The following THSD4 variants were observed in gnomAD, a reference collection of about 807,000 sequenced individuals.
The protein encoded by THSD4 is thrombospondin type 1 domain containing 4.
Under a neutral mutation model 119.0 loss-of-function variants are expected in THSD4, and 69 were observed. The ratio of observed to expected loss-of-function variants is 0.58; its 90% CI spans 0.48 to 0.71. The LOEUF is 0.71. Among genes scored for constraint, THSD4 ranks in the 30% least tolerant of loss-of-function variants. The pLI is 0.00. For missense variants in THSD4, 1,393 were observed against 1,391.1 expected (o/e 1.00, Z -0.02); for synonymous variants, 524 against 540.4 (o/e 0.97, Z 0.42).
At chr15:71,486,936 T>G (rs2047832040) in intron 7 of THSD4, among the ~76,000 whole-genome samples, 1 of 152,224 alleles carries the variant, frequency 6.6e-6, no homozygotes, top group African/African-American at 2.4e-5. Context: ...AGACACCACC[T>G]ATTGAGTATC....
In THSD4 at chr15:71,565,190, T is replaced by A. The variant is rs138727951; in HGVS notation, c.1153-95340T>A. Reference sequence around the variant, plus strand: ...ATGCTCATCCCTGACCCAGTGGAGATAAATGTGCTGATTGCCAGGCTGAAG... The same window carrying A: ...ATGCTCATCCCTGACCCAGTGGAGAAAAATGTGCTGATTGCCAGGCTGAAG... On this transcript the variant is annotated intron_variant, in intron 7 of 17. Coordinates refer to ENST00000261862, the MANE Select transcript of THSD4 (RefSeq NM_024817.3). Among the ~76,000 whole-genome samples, 456 of 152,350 alleles carry A rather than the reference T, an allele frequency of 3.0e-3. 2 individuals are homozygous for A. Among genetic ancestry groups the A allele is most frequent in the African/African-American group, 0.011 (444 of 41,580 alleles).
chr15:71,776,367 C>T (rs187687028), intron 17 of THSD4, among the ~76,000 whole-genome samples: 9 of 152,218 alleles, frequency 5.9e-5, no homozygotes, highest in South Asian at 2.1e-4. Context: ...AAAGAATTTT[C>T]GTGAATCATT....
At position 71,748,573 on chromosome 15, in the gene THSD4, C is replaced by A. The variant is rs1230017917; in HGVS notation, c.2394C>A (p.Phe798Leu). 2 of 1,614,152 alleles carry A rather than the reference C, an allele frequency of 1.2e-6. No individual in the cohort carries two copies. Among genetic ancestry groups the A allele is most frequent in the South Asian group, 2.2e-5 (2 of 91,078 alleles). Residue 798 changes from phenylalanine to leucine, a missense_variant, in exon 14 of 18, where the codon TTC becomes TTA. Transcript: ENST00000261862. ...CDMGPCAKSW[F>L]LTEWSERCSA... ...TGGGACCCTGTGCCAAGAGCTGGTT[C>A]CTCACCGAGTGGAGCGAAAGGGTGA...
At chr15:71,622,173 A>G (rs1432016461) in intron 7 of THSD4, among the ~76,000 whole-genome samples, 1 of 152,156 alleles carries the variant, frequency 6.6e-6, no homozygotes, top group Non-Finnish European at 1.5e-5. Context: ...AGAAATCTCG[A>G]TTTATCACAT....
intron 7 of THSD4, among the ~76,000 whole-genome samples, chr15:71,519,214 C>A (rs1477722144): frequency 6.6e-6 from 1 of 152,000 alleles, no homozygotes; most frequent in African/African-American, 2.4e-5. Context: ...CTTTCAGGAG[C>A]AGCAAGAAGG....
chr15:71,513,525 GGAAAATGCAAAC>G (rs1567016100), intron 7 of THSD4, among the ~76,000 whole-genome samples: 2 of 152,156 alleles, frequency 1.3e-5, no homozygotes, highest in African/African-American at 4.8e-5. Context: ...TAAATCATCA[GGAAAATGCAAAC>G]GAAAACCTCC....
At chr15:71,396,873 A>G (rs1163865214) in intron 6 of THSD4, among the ~76,000 whole-genome samples, 3 of 152,196 alleles carry the variant, frequency 2.0e-5, no homozygotes, top group African/African-American at 7.2e-5. Context: ...GTGACATGAG[A>G]GAAATAGGAA....
At chr15:71,232,996 TG>T (rs1186411565) in intron 4 of THSD4, among the ~76,000 whole-genome samples, 1 of 152,192 alleles carries the variant, frequency 6.6e-6, no homozygotes, top group Non-Finnish European at 1.5e-5. Flanking sequence ...AAGATTGGAC[TG>T]GACATCATAA....
At chr15:71,330,983 G>A (rs1168190653) in intron 6 of THSD4, among the ~76,000 whole-genome samples, 9 of 152,228 alleles carry the variant, frequency 5.9e-5, no homozygotes, top group Admixed American at 2.0e-4. Context: ...GAGGGAGGCT[G>A]TGCTAATTTG....
At chr15:71,681,601 G>T (rs186951656) in intron 8 of THSD4, among the ~76,000 whole-genome samples, 7 of 151,888 alleles carry the variant, frequency 4.6e-5, no homozygotes, top group East Asian at 1.9e-4. Context: ...ATTGAACCGG[G>T]GGGGTGGAGG....
At chr15:71,254,994 C>T (rs1197187951) in intron 5 of THSD4, among the ~76,000 whole-genome samples, 1 of 152,198 alleles carries the variant, frequency 6.6e-6, no homozygotes, top group African/African-American at 2.4e-5. Context: ...AGCAGCCTCC[C>T]CAACTGCGAC....
chr15:71,405,606 A>G (rs915152255), intron 6 of THSD4, among the ~76,000 whole-genome samples: 2 of 152,180 alleles, frequency 1.3e-5, no homozygotes, highest in South Asian at 4.1e-4. Flanking sequence ...AAGTTTTAAA[A>G]TCAGGAAATA....
intron 6 of THSD4, among the ~76,000 whole-genome samples, chr15:71,264,383 C>G (rs2044440144): frequency 6.6e-6 from 1 of 152,194 alleles, no homozygotes; most frequent in African/African-American, 2.4e-5. Flanking sequence ...CCCACAAGAT[C>G]CATTCTCAGA....
At chr15:71,613,407 A>G (rs1399185021) in intron 7 of THSD4, among the ~76,000 whole-genome samples, 1 of 152,178 alleles carries the variant, frequency 6.6e-6, no homozygotes, top group Non-Finnish European at 1.5e-5. Flanking sequence ...GCAGATTCAG[A>G]ACCACTTTAC....
chr15:71,580,096 A>T (rs942354404), intron 7 of THSD4, among the ~76,000 whole-genome samples: 4 of 152,182 alleles, frequency 2.6e-5, no homozygotes, highest in Admixed American at 6.5e-5. Context: ...AATACATGTA[A>T]TTTGTACACA....
chr15:71,513,502 G>A (rs2048312168), intron 7 of THSD4, among the ~76,000 whole-genome samples: 1 of 152,188 alleles, frequency 6.6e-6, no homozygotes, highest in African/African-American at 2.4e-5. Context: ...TTACATGAAG[G>A]TGGTCAACAT....
intron 11 of THSD4, among the ~76,000 whole-genome samples, chr15:71,739,714 T>G (rs71395026): frequency 6.6e-6 from 1 of 152,008 alleles, no homozygotes; most frequent in Non-Finnish European, 1.5e-5. Flanking sequence ...TGAGGGGAGG[T>G]TGCTAAAGAA....
In THSD4 at chr15:71,198,481, A is replaced by G. The variant is rs528733579; in HGVS notation, c.100-16554A>G. Among the ~76,000 whole-genome samples, 23 of 152,322 alleles carry G rather than the reference A, an allele frequency of 1.5e-4. No homozygotes were observed. In the East Asian group the frequency reaches 2.9e-3, roughly 19 times the overall value. On this transcript the variant is annotated intron_variant, in intron 3 of 17. Transcript: ENST00000261862. ...TATCCAGGACACTGAGAATTCTTGCATATCAGGCTGGGAGGACCTTCAGGG... is the reference window on the plus strand; with the variant it reads ...TATCCAGGACACTGAGAATTCTTGCGTATCAGGCTGGGAGGACCTTCAGGG...
intron 8 of THSD4, among the ~76,000 whole-genome samples, chr15:71,722,378 T>C (rs2052739410): frequency 6.6e-6 from 1 of 152,194 alleles, no homozygotes; most frequent in Admixed American, 6.5e-5. Flanking sequence ...GAGTGAGTAA[T>C]AGTAATAGAT....
Sources: gnomAD v4.1 joint callset for allele counts (sites outside exome capture counted in the v4.1 genomes callset) on GRCh38, gnomAD v4.1.1 for gene constraint, MANE v1.5 for transcripts, NCBI Gene and HGNC (gene_info 2026-07-23, HGNC 2026-07-21) for gene names.